Variants in DAAM2 observed in about 807,000 individuals in gnomAD.
DAAM2 encodes disheveled-associated activator of morphogenesis 2.
A neutral mutation model predicts 120.7 loss-of-function variants in DAAM2; 39 were observed. The observed-to-expected ratio is 0.32, with a 90% CI of 0.25 to 0.42. The LOEUF (loss-of-function observed/expected upper bound fraction) is 0.42, where lower values mean the gene tolerates loss of function less well. Ranked by LOEUF, DAAM2 falls within the 10% of genes least tolerant of loss-of-function variation. The pLI is 1.00. For missense variants in DAAM2, 1,283 were observed against 1,401.7 expected, an observed-to-expected ratio of 0.92 and a Z score of 1.35; for synonymous variants, 488 against 524.9, an observed-to-expected ratio of 0.93 and a Z score of 0.96.
intron 2 of DAAM2, among the ~76,000 whole-genome samples, chr6:39,858,578 T>C (rs1409774489): frequency 1.3e-5 from 2 of 152,180 alleles, no homozygotes; most frequent in African/African-American, 4.8e-5. Context: ...ATGAACTCAA[T>C]CCACACATTC....
chr6:39,871,575 G>C lies in DAAM2; in HGVS notation c.1044+3G>C, dbSNP rs1193666100. The C allele has an allele frequency of 6.5e-7, 1 of 1,550,212 alleles. No individual in the cohort carries two copies. The highest frequency in any genetic ancestry group is 1.2e-5 in the South Asian group (1 of 83,984). On this transcript the variant is annotated splice_donor_region_variant and intron_variant, in intron 9 of 24. Coordinates refer to ENST00000274867, the MANE Select transcript of DAAM2 (RefSeq NM_001201427.2). ...AGCTAGCCAGGAGGTTTGACATGGT[G>C]AGGAGCCAGCAGGGTGGAGCGATTG...
rs778962741 is a variant in DAAM2 at position 39,876,103 on chromosome 6, G to T, written c.1301+635G>T. On this transcript the variant is annotated intron_variant, in intron 11 of 24. Transcript: ENST00000274867. ...TTTGATCATGAGGTTGCTGGATAAGGTTATCAGAGCCTAAGGCCTTCTGGT... is the reference window on the plus strand; with the variant it reads ...TTTGATCATGAGGTTGCTGGATAAGTTTATCAGAGCCTAAGGCCTTCTGGT... Among the ~76,000 whole-genome samples the T allele has an allele frequency of 2.6e-5, 4 of 152,320 alleles. 1 individual carries two copies. In the South Asian group the frequency reaches 8.3e-4, roughly 32 times the overall value.
At chr6:39,869,531 G>A (rs943761122) in intron 7 of DAAM2, among the ~76,000 whole-genome samples, 13 of 152,266 alleles carry the variant, frequency 8.5e-5, no homozygotes, top group Middle Eastern at 3.4e-3. Flanking sequence ...AGGTTGCAGT[G>A]AGCCAAGATT....
chr6:39,828,495 A>G (rs1762757839), intron 1 of DAAM2, among the ~76,000 whole-genome samples: 1 of 151,968 alleles, frequency 6.6e-6, no homozygotes, highest in African/African-American at 2.4e-5. Context: ...GAGGGGAAGA[A>G]CACTGTGTCC....
At chr6:39,827,455 G>A (rs114006165) in intron 1 of DAAM2, among the ~76,000 whole-genome samples, 2,050 of 152,018 alleles carry the variant, frequency 0.013, 37 homozygotes, top group African/African-American at 0.038. Context: ...GAAGTGGGGC[G>A]GGGGTAGTCT....
At chr6:39,801,415 C>T (rs1185551719) in intron 1 of DAAM2, among the ~76,000 whole-genome samples, 2 of 152,142 alleles carry the variant, frequency 1.3e-5, no homozygotes, top group Non-Finnish European at 2.9e-5. Flanking sequence ...ATGAGATGGC[C>T]TTGTTGCCGA....
In DAAM2 at chr6:39,823,519, C is replaced by G. The variant is rs191098082; in HGVS notation, c.-57+31054C>G. Reference sequence around the variant, plus strand: ...TCTCTGACCTCAAGCAAACTTGCTCCTTTCTGGGCCTTTGCAGATGGGACG... The same window carrying G: ...TCTCTGACCTCAAGCAAACTTGCTCGTTTCTGGGCCTTTGCAGATGGGACG... On this transcript the variant is annotated intron_variant, in intron 1 of 24. Transcript: ENST00000274867. 1.8e-3 allele frequency among the ~76,000 whole-genome samples: 274 copies of G among 152,284 alleles called. 2 individuals are homozygous for G. Among genetic ancestry groups the G allele is most frequent in the African/African-American group, 6.4e-3 (266 of 41,560 alleles).
chr6:39,831,974 G>A lies in DAAM2; in HGVS notation c.-56-24273G>A, dbSNP rs1416325413. Reference sequence around the variant, plus strand: ...GGAGGGTAGGTGCACTGGGGGGGTAGGTGCACTGGGGGGTAGGTGCACTGG... The same window carrying A: ...GGAGGGTAGGTGCACTGGGGGGGTAAGTGCACTGGGGGGTAGGTGCACTGG... On this transcript the variant is annotated intron_variant, in intron 1 of 24. Coordinates refer to ENST00000274867, the MANE Select transcript of DAAM2 (RefSeq NM_001201427.2). Among the ~76,000 whole-genome samples the A allele has an allele frequency of 2.5e-5, 3 of 121,556 alleles. No individual in the cohort carries two copies. In the South Asian group the frequency reaches 1.0e-3, roughly 40 times the overall value. 79.7% of individuals were successfully genotyped at this position (121,556 alleles called of 152,430 possible).
intron 1 of DAAM2, among the ~76,000 whole-genome samples, chr6:39,841,879 A>G (rs1194342037): frequency 1.3e-5 from 2 of 152,196 alleles, no homozygotes; most frequent in African/African-American, 4.8e-5. Context: ...AGCATCCCTC[A>G]AAGCACAGAG....
intron 1 of DAAM2, among the ~76,000 whole-genome samples, chr6:39,793,947 A>C (rs546498415): frequency 1.3e-5 from 2 of 152,318 alleles, no homozygotes; most frequent in South Asian, 4.1e-4. Flanking sequence ...TCTGTCCTAG[A>C]AAAATGAGAA....
In DAAM2 at chr6:39,871,543, G is replaced by T; in HGVS notation, c.1015G>T (p.Asp339Tyr). Residue 339 changes from aspartate (D) to tyrosine (Y), a missense_variant, in exon 9 of 25, where the codon GAC becomes TAC. Physicochemically the swap from Asp to Tyr is radical, Grantham distance 160. Coordinates refer to ENST00000274867, the MANE Select transcript of DAAM2 (RefSeq NM_001201427.2). Reference protein sequence around the residue: ...DFFEMVRNEDDLELARRFDMV... With the variant: ...DFFEMVRNEDYLELARRFDMV... ...CTTCGAGATGGTGCGGAATGAGGAT[G>T]ACCTGGAGCTAGCCAGGAGGTTTGA... is the stretch of plus-strand genomic sequence containing the variant. The T allele has an allele frequency of 1.3e-6, 2 of 1,551,184 alleles. No homozygotes were observed. The highest frequency in any genetic ancestry group is 2.4e-5 in the South Asian group (2 of 83,986).
intron 1 of DAAM2, among the ~76,000 whole-genome samples, chr6:39,847,003 C>A (rs982398994): frequency 1.3e-5 from 2 of 152,230 alleles, no homozygotes; most frequent in African/African-American, 4.8e-5. Context: ...CCATCCCAGT[C>A]TGCCCTCCCT....
At chr6:39,860,552 A>C (rs1379177172) in intron 2 of DAAM2, among the ~76,000 whole-genome samples, 1 of 152,194 alleles carries the variant, frequency 6.6e-6, no homozygotes, top group Non-Finnish European at 1.5e-5. Flanking sequence ...TGGTGTCCAC[A>C]AGCTTAAGAA....
intron 21 of DAAM2, 45 bp from the exon 22 acceptor site, chr6:39,898,832 G>A (rs769300080): frequency 2.1e-5 from 32 of 1,526,680 alleles, no homozygotes; most frequent in African/African-American, 5.5e-5. Flanking sequence ...ACCTCAAGGC[G>A]GGAGTTGATG....
rs377628082 is a variant in DAAM2 at position 39,834,598 on chromosome 6, C to T, written c.-56-21649C>T. On this transcript the variant is annotated intron_variant, in intron 1 of 24. Coordinates refer to ENST00000274867, the MANE Select transcript of DAAM2 (RefSeq NM_001201427.2). ...CTTCACTTGCACTGGAGTTGAAAGGCGAAGGGGGTATCTGGGCACCACCTA... is the reference window on the plus strand; with the variant it reads ...CTTCACTTGCACTGGAGTTGAAAGGTGAAGGGGGTATCTGGGCACCACCTA... 2.0e-5 allele frequency among the ~76,000 whole-genome samples: 3 copies of T among 152,196 alleles called. No homozygotes were observed. In the South Asian group the frequency reaches 6.2e-4, roughly 32 times the overall value.
In DAAM2 at chr6:39,813,169, T is replaced by C. The variant is rs191110110; in HGVS notation, c.-57+20704T>C. Among the ~76,000 whole-genome samples the C allele has an allele frequency of 4.9e-3, 750 of 151,580 alleles. 3 individuals are homozygous for C. The highest frequency in any genetic ancestry group is 0.017 in the African/African-American group (712 of 41,188). ...GATTGTGTGTGTGTGTGTGTGTGCG[T>C]GTGTGTGTGTATGTATGTGTACACA... is the stretch of plus-strand genomic sequence containing the variant. On this transcript the variant is annotated intron_variant, in intron 1 of 24. Transcript: ENST00000274867.
chr6:39,901,564 GACTGAGGA>G lies in DAAM2; in HGVS notation c.2982+103_2982+110del, dbSNP rs1002592617. On this transcript the variant is annotated intron_variant, in intron 24 of 24. Transcript: ENST00000274867. The surrounding 1 kb of genome is among the most constrained non-coding windows in gnomAD (Gnocchi z 4.5). Reference sequence around the variant, plus strand: ...CTGGGGTGTGTGGGAGGAGGGCAGAGACTGAGGAACTGAGGAACACCATAGGGGTTGGA... The same window carrying G: ...CTGGGGTGTGTGGGAGGAGGGCAGAGACTGAGGAACACCATAGGGGTTGGA... 1.1e-4 allele frequency: 154 copies of G among 1,406,310 alleles called. No individual in the cohort carries two copies. The highest frequency in any genetic ancestry group is 5.1e-4 in the Middle Eastern group (2 of 3,956). The allele number at this position is 1,406,310 out of a possible 1,614,324, so 87.1% of individuals were successfully genotyped here. A position where few individuals can be genotyped will look rare whatever the true frequency, so the allele number is the denominator to read the frequency against.
intron 1 of DAAM2, among the ~76,000 whole-genome samples, chr6:39,836,238 G>C (rs1261235194): frequency 2.6e-5 from 4 of 152,080 alleles, no homozygotes; most frequent in African/African-American, 7.2e-5. Flanking sequence ...CATCCTTTAA[G>C]ACTTAGTTCA....
intron 1 of DAAM2, among the ~76,000 whole-genome samples, chr6:39,804,373 G>C (rs1761949351): frequency 7.1e-6 from 1 of 140,304 alleles, no homozygotes; most frequent in Non-Finnish European, 1.5e-5. Context: ...CTTGTTGACT[G>C]TATGTATCAA....
Sources: gnomAD v4.1 joint callset for allele counts (sites outside exome capture counted in the v4.1 genomes callset) on GRCh38, gnomAD v4.1.1 for gene constraint, Gnocchi (gnomAD v3.1) non-coding constraint, MANE v1.5 for transcripts, NCBI Gene and HGNC (gene_info 2026-07-23, HGNC 2026-07-21) for gene names.